Variants in EHBP1 observed in about 807,000 individuals in gnomAD.
EHBP1 encodes EH domain-binding protein 1.
In EHBP1, 55 loss-of-function variants were observed where a neutral mutation model predicts 144.0. The observed-to-expected ratio is 0.38, with a 90% CI of 0.31 to 0.48. EHBP1 has a LOEUF of 0.48. Among genes scored for constraint, EHBP1 ranks in the 20% least tolerant of loss-of-function variants. EHBP1 has a pLI of 0.98. For missense variants in EHBP1, 1,200 were observed against 1,364.2 expected (o/e 0.88, Z 1.90); for synonymous variants, 469 against 472.7 (o/e 0.99, Z 0.10).
chr2:62,973,433 G>A (rs2058579606), intron 14 of EHBP1, among the ~76,000 whole-genome samples: 1 of 152,128 alleles, frequency 6.6e-6, no homozygotes, highest in Admixed American at 6.5e-5. Context: ...TTGATACTTT[G>A]GGAATCATAT....
At chr2:62,679,569 T>C (rs2033436314) in intron 1 of EHBP1, among the ~76,000 whole-genome samples, 1 of 152,212 alleles carries the variant, frequency 6.6e-6, no homozygotes, top group African/African-American at 2.4e-5. Context: ...TCTAAGGTCC[T>C]AGTAGGCATC....
At chr2:62,979,142 G>A (rs1197498927) in intron 14 of EHBP1, 46 bp from the exon 15 acceptor site, 2 of 1,564,952 alleles carry the variant, frequency 1.3e-6, no homozygotes, top group East Asian at 2.3e-5. Context: ...AAATGAAATT[G>A]CATTTCTGTC....
At chr2:62,735,574 A>G (rs2038046733) in intron 2 of EHBP1, among the ~76,000 whole-genome samples, 1 of 152,180 alleles carries the variant, frequency 6.6e-6, no homozygotes, top group Non-Finnish European at 1.5e-5. Flanking sequence ...ATTAGGTATG[A>G]GACAAATACA....
At chr2:62,810,162 A>C (rs1337779421) in intron 5 of EHBP1, among the ~76,000 whole-genome samples, 1 of 152,252 alleles carries the variant, frequency 6.6e-6, no homozygotes, top group Admixed American at 6.5e-5. Flanking sequence ...ACAAGTTGGT[A>C]AAGTTTTAAG....
intron 7 of EHBP1, among the ~76,000 whole-genome samples, chr2:62,838,500 C>T (rs1035365564): frequency 2.0e-5 from 3 of 151,988 alleles, no homozygotes; most frequent in African/African-American, 7.3e-5. Context: ...CAGAGCAGAA[C>T]TGAAGGAAAT....
At chr2:62,783,378 C>T (rs527447955) in intron 5 of EHBP1, among the ~76,000 whole-genome samples, 2 of 152,356 alleles carry the variant, frequency 1.3e-5, no homozygotes, top group South Asian at 4.1e-4. Flanking sequence ...CCAGTGGGGA[C>T]TCTGTGTAGG....
chr2:62,976,172 C>T (rs1258499040), intron 14 of EHBP1, among the ~76,000 whole-genome samples: 2 of 152,078 alleles, frequency 1.3e-5, no homozygotes, highest in Non-Finnish European at 2.9e-5. Context: ...TCATTGCAGT[C>T]ATTTTTGTTT....
At chr2:62,780,275 G>C (rs892838826) in intron 5 of EHBP1, among the ~76,000 whole-genome samples, 4 of 152,112 alleles carry the variant, frequency 2.6e-5, no homozygotes. Context: ...ACAGGAGGAA[G>C]CTCATGGTTC....
At chr2:62,704,095 T>C (rs545309959), upstream of EHBP1, among the ~76,000 whole-genome samples, 18 of 152,370 alleles carry the variant, frequency 1.2e-4, no homozygotes, top group African/African-American at 4.3e-4. Flanking sequence ...TCATAATGGC[T>C]GTAGGTTGTA....
At chr2:62,840,521 G>A (rs1219626260) in intron 7 of EHBP1, among the ~76,000 whole-genome samples, 2 of 150,062 alleles carry the variant, frequency 1.3e-5, no homozygotes, top group East Asian at 2.0e-4. Context: ...CTTCTGCACA[G>A]CAAAAGAAAC....
At chr2:62,838,793 A>C (rs1367698691) in intron 7 of EHBP1, among the ~76,000 whole-genome samples, 1 of 147,918 alleles carries the variant, frequency 6.8e-6, no homozygotes, top group Admixed American at 6.8e-5. Flanking sequence ...TAAACCAGGA[A>C]GAAGTTGAAT....
chr2:62,810,596 A>G (rs567454386), intron 5 of EHBP1, among the ~76,000 whole-genome samples: 8 of 152,336 alleles, frequency 5.3e-5, no homozygotes, highest in East Asian at 1.9e-4. Flanking sequence ...AAAATGAGCA[A>G]TGGGCACTTG....
At position 62,826,222 on chromosome 2, in the gene EHBP1, C is replaced by A; in HGVS notation, c.448C>A (p.Leu150Ile). The A allele has an allele frequency of 6.2e-7, 1 of 1,601,940 alleles. No individual in the cohort carries two copies. The highest frequency in any genetic ancestry group is 8.5e-7 in the Non-Finnish European group (1 of 1,176,716). The change falls in exon 6 of 23, where the codon CTT (leucine) becomes ATT (isoleucine). Residue 150 changes from leucine (L) to isoleucine (I), a missense_variant. Leu to Ile is a conservative substitution (Grantham distance 5). This residue lies in a region of EHBP1 where 137 missense variants were observed against 190.1 expected (regional missense o/e 0.72). Transcript: ENST00000431489. ...PLSKKVVSAA[L>I]QFSLSCIFLR... Reference sequence around the variant, plus strand: ...ATCTAAAAAAGTTGTATCTGCCGCTCTTCAGTTTTCATTATCTTGCATTTT... The same window carrying A: ...ATCTAAAAAAGTTGTATCTGCCGCTATTCAGTTTTCATTATCTTGCATTTT...
In EHBP1 at chr2:62,859,174, A is replaced by C; in HGVS notation, c.640A>C (p.Ile214Leu). Residue 214 changes from isoleucine to leucine, a missense_variant, in exon 8 of 23, where the codon ATC becomes CTC. Ile to Leu is a conservative substitution (Grantham distance 5). Coordinates refer to ENST00000431489, the MANE Select transcript of EHBP1 (RefSeq NM_001142616.3). ...ACCCATATGTTTATTTTCAGAGCTT[A>C]TCAACAAACTTAACTTTTTGGATGA... Reference protein sequence around the residue: ...EEKAAKITELINKLNFLDEAE... With the variant: ...EEKAAKITELLNKLNFLDEAE... The C allele has an allele frequency of 6.8e-6, 11 of 1,610,870 alleles. No homozygotes were observed. The highest frequency in any genetic ancestry group is 8.5e-6 in the Non-Finnish European group (10 of 1,177,958).
chr2:62,933,851 A>G (rs1315919738), intron 10 of EHBP1, among the ~76,000 whole-genome samples: 1 of 152,160 alleles, frequency 6.6e-6, no homozygotes, highest in Non-Finnish European at 1.5e-5. Flanking sequence ...ATGGAATCAT[A>G]TGATATATGC....
intron 2 of EHBP1, among the ~76,000 whole-genome samples, chr2:62,714,371 C>T (rs1336893979): frequency 6.6e-6 from 1 of 152,134 alleles, no homozygotes; most frequent in Non-Finnish European, 1.5e-5. Context: ...AGTCTTATTC[C>T]ACTCAAACTA....
chr2:63,033,417 A>G (rs569432893), intron 19 of EHBP1, among the ~76,000 whole-genome samples: 2 of 152,296 alleles, frequency 1.3e-5, no homozygotes, highest in East Asian at 3.9e-4. Flanking sequence ...TAATGATTTC[A>G]TGGTAGAAAA....
chr2:62,981,846 T>A (rs1481249875), intron 15 of EHBP1, among the ~76,000 whole-genome samples: 1 of 152,212 alleles, frequency 6.6e-6, no homozygotes, highest in Non-Finnish European at 1.5e-5. Context: ...AAATGACTTA[T>A]GAGAACCTCC....
chr2:62,855,789 T>G (rs1033009073), intron 7 of EHBP1, among the ~76,000 whole-genome samples: 2 of 152,122 alleles, frequency 1.3e-5, no homozygotes, highest in Non-Finnish European at 2.9e-5. Flanking sequence ...TGCTGAGAGC[T>G]TGGAAGACAC....
Sources: gnomAD v4.1 joint callset for allele counts (sites outside exome capture counted in the v4.1 genomes callset) on GRCh38, gnomAD v4.1.1 for gene constraint, gnomAD v4.1.1 regional missense constraint, MANE v1.5 for transcripts, NCBI Gene and HGNC (gene_info 2026-07-23, HGNC 2026-07-21) for gene names.